Variants in AOX1 observed in about 807,000 individuals in gnomAD.
AOX1 encodes aldehyde oxidase.
AOX1 carries 153 observed loss-of-function variants against 169.5 expected under a neutral mutation model. The observed-to-expected ratio is 0.90, with a 90% CI of 0.79 to 1.03. AOX1 has a LOEUF of 1.03. Ranked by LOEUF, AOX1 falls within the 50% of genes least tolerant of loss-of-function variation. AOX1 has a pLI of 0.00. For synonymous variants in AOX1, 562 were observed against 581.9 expected (o/e 0.97, Z 0.49); for missense variants, 1,656 against 1,663.9 (o/e 1.00, Z 0.08).
rs1310097362 is a variant in AOX1 at position 200,603,369 on chromosome 2, T to C, written c.588+13T>C. The C allele has an allele frequency of 1.2e-6, 2 of 1,604,022 alleles. No individual in the cohort carries two copies. The highest frequency in any genetic ancestry group is 2.2e-5 in the South Asian group (2 of 90,846). On this transcript the variant is annotated intron_variant, in intron 7 of 34. Transcript: ENST00000374700. The stretch of plus-strand genomic sequence containing the variant: ...GGAAGGAAGTAAGGTCAGTGAAATG[T>C]AAAGCTTTTATAAGGCTTTCTCAGG...
At position 200,638,303 on chromosome 2, in the gene AOX1, G is replaced by A; in HGVS notation, c.2568+1G>A. The A allele has an allele frequency of 1.2e-6, 2 of 1,613,058 alleles. No homozygotes were observed. Among genetic ancestry groups the A allele is most frequent in the Non-Finnish European group, 1.7e-6 (2 of 1,179,166 alleles). On this transcript the variant is annotated splice_donor_variant, in intron 23 of 34. Coordinates refer to ENST00000374700, the MANE Select transcript of AOX1 (RefSeq NM_001159.4). LOFTEE classifies it high-confidence loss of function. The stretch of plus-strand genomic sequence containing the variant: ...CCATCCTTACCTTGGAAAGTACAAA[G>A]TGAGTACAAGAGGGCATGGAGGAAG...
chr2:200,602,149 C>T (rs2105696199), intron 5 of AOX1, 135 bp from the exon 6 acceptor site: 3 of 626,876 alleles, frequency 4.8e-6, no homozygotes, highest in East Asian at 5.7e-5. Flanking sequence ...AAAGATCTGA[C>T]TTTGTAGATT....
chr2:200,602,153 G>A, intron 5 of AOX1, 131 bp from the exon 6 acceptor site: 1 of 641,454 alleles, frequency 1.6e-6, no homozygotes, highest in Non-Finnish European at 2.7e-6. Flanking sequence ...ATCTGACTTT[G>A]TAGATTAGGT....
chr2:200,619,833 C>G (rs1204267295), intron 16 of AOX1, among the ~76,000 whole-genome samples: 1 of 151,782 alleles, frequency 6.6e-6, no homozygotes, highest in African/African-American at 2.4e-5. Context: ...TTTCCTCACT[C>G]AAAATTGAAA....
chr2:200,676,612 A>AG (rs1270292153), intron 4 of AOX1, among the ~76,000 whole-genome samples: 4 of 151,772 alleles, frequency 2.6e-5, no homozygotes, highest in African/African-American at 9.7e-5. Context: ...AAAAAAAAAA[A>AG]AAAAGAAGAA....
At chr2:200,620,585 C>T (rs1420528301) in intron 16 of AOX1, 65 bp from the exon 17 acceptor site, 55 of 1,338,102 alleles carry the variant, frequency 4.1e-5, no homozygotes, top group Non-Finnish European at 4.7e-5. Context: ...GGGAAATGTG[C>T]ATAATAATAA....
Position 200,620,198 on chromosome 2 carries a change from A to AGTTTTTTTTTT in AOX1, c.1705-452_1705-451insGTTTTTTTTTT, listed in dbSNP as rs370920216. Among the ~76,000 whole-genome samples, 2 of 120,912 alleles carry AGTTTTTTTTTT rather than the reference A, an allele frequency of 1.7e-5. 1 individual carries two copies. The highest frequency in any genetic ancestry group is 6.1e-5 in the African/African-American group (2 of 32,976). The allele number at this position is 120,912 out of a possible 152,430, so 79.3% of individuals were successfully genotyped here. A position where few individuals can be genotyped will look rare whatever the true frequency, so the allele number is the denominator to read the frequency against. On this transcript the variant is annotated intron_variant, in intron 16 of 34. Coordinates refer to ENST00000374700, the MANE Select transcript of AOX1 (RefSeq NM_001159.4). The stretch of plus-strand genomic sequence containing the variant: ...TATTGTCTTGGTGTTATTAATAGTG[A>AGTTTTTTTTTT]CTTTTTTTTTTTTTTTTTTTGATGG...
intron 14 of AOX1, 93 bp from the exon 15 acceptor site, chr2:200,613,711 G>A: frequency 7.8e-7 from 1 of 1,273,926 alleles, no homozygotes; most frequent in South Asian, 1.6e-5. Flanking sequence ...CTTATTTCCT[G>A]TATTAAACTA....
intron 13 of AOX1, among the ~76,000 whole-genome samples, chr2:200,611,955 T>C (rs961478813): frequency 4.6e-5 from 7 of 152,122 alleles, no homozygotes; most frequent in African/African-American, 1.7e-4. Context: ...TTCACCTGCC[T>C]CGGCCTCCCA....
At chr2:200,623,411 T>G (rs1462963107) in intron 18 of AOX1, among the ~76,000 whole-genome samples, 1 of 152,268 alleles carries the variant, frequency 6.6e-6, no homozygotes, top group Non-Finnish European at 1.5e-5. Context: ...ATCAGGGTTC[T>G]GTTATCACAG....
In AOX1 at chr2:200,638,316, G is replaced by A; in HGVS notation, c.2568+14G>A. ...GGAAAGTACAAAGTGAGTACAAGAG[G>A]GCATGGAGGAAGGATTTATGTTGTA... is the stretch of plus-strand genomic sequence containing the variant. On this transcript the variant is annotated intron_variant, in intron 23 of 34. Transcript: ENST00000374700. 1 of 1,610,480 alleles carries A rather than the reference G, an allele frequency of 6.2e-7. No individual in the cohort carries two copies. Among genetic ancestry groups the A allele is most frequent in the South Asian group, 1.1e-5 (1 of 90,962 alleles).
At chr2:200,657,743 G>A (rs1360540358) in intron 27 of AOX1, among the ~76,000 whole-genome samples, 1 of 152,206 alleles carries the variant, frequency 6.6e-6, no homozygotes, top group East Asian at 1.9e-4. Flanking sequence ...TTAATTTTAA[G>A]CTACTGTTTC....
chr2:200,597,283 C>CT, intron 3 of AOX1, 114 bp from the exon 4 acceptor site: 1 of 624,334 alleles, frequency 1.6e-6, no homozygotes, highest in South Asian at 2.7e-5. Context: ...TGTGTAAAAC[C>CT]TGGGTACATT....
intron 10 of AOX1, among the ~76,000 whole-genome samples, chr2:200,606,772 G>C (rs2034525386): frequency 6.6e-6 from 1 of 152,028 alleles, no homozygotes. Context: ...TTCATGATTT[G>C]GCTCTCTGCT....
intron 21 of AOX1, among the ~76,000 whole-genome samples, chr2:200,636,341 C>T (rs2035232732): frequency 6.6e-6 from 1 of 151,924 alleles, no homozygotes; most frequent in Non-Finnish European, 1.5e-5. Context: ...GTTGGCCAGG[C>T]TGGTCTCGAA....
chr2:200,675,704 T>C (rs900751383), downstream of AOX1, among the ~76,000 whole-genome samples: 2 of 152,140 alleles, frequency 1.3e-5, no homozygotes, highest in African/African-American at 4.8e-5. Context: ...TGACTAATAA[T>C]TTATGGCAAT....
downstream of AOX1, among the ~76,000 whole-genome samples, chr2:200,678,021 A>G (rs2036122182): frequency 1.3e-5 from 2 of 152,130 alleles, no homozygotes; most frequent in Admixed American, 1.3e-4. Context: ...TCCCTCAATT[A>G]ACAAGCACTA....
chr2:200,595,404 T>C, intron 3 of AOX1, 36 bp downstream of exon 3: 1 of 1,532,906 alleles, frequency 6.5e-7, no homozygotes, highest in African/African-American at 1.4e-5. Context: ...GGTTGAATTT[T>C]TATAATTTTG....
intron 24 of AOX1, among the ~76,000 whole-genome samples, chr2:200,642,232 A>C (rs1373104468): frequency 6.6e-6 from 1 of 152,196 alleles, no homozygotes; most frequent in Non-Finnish European, 1.5e-5. Flanking sequence ...ATTGAGAACC[A>C]ATACATTAGA....
Sources: gnomAD v4.1 joint callset for allele counts (sites outside exome capture counted in the v4.1 genomes callset) on GRCh38, gnomAD v4.1.1 for gene constraint, MANE v1.5 for transcripts, NCBI Gene and HGNC (gene_info 2026-07-23, HGNC 2026-07-21) for gene names.